The following SCN11A variants were observed in gnomAD, a reference collection of about 807,000 sequenced individuals.
SCN11A encodes sodium channel protein type 11 subunit alpha.
SCN11A carries 122 observed loss-of-function variants against 162.2 expected under a neutral mutation model. The ratio of observed to expected loss-of-function variants is 0.75; its 90% confidence interval spans 0.65 to 0.87. SCN11A has a LOEUF of 0.87. SCN11A is among the 40% of genes least tolerant of loss of function. The pLI, the probability that SCN11A is intolerant of heterozygous loss-of-function variation, is 0.00. For missense variants in SCN11A, 2,015 were observed against 2,181.6 expected (o/e 0.92, Z 1.52); for synonymous variants, 758 against 751.5 (o/e 1.01, Z -0.14).
intron 2 of SCN11A, among the ~76,000 whole-genome samples, chr3:39,019,997 T>C (rs72858039): frequency 0.082 from 12,560 of 152,272 alleles, 736 homozygotes; most frequent in African/African-American, 0.16. Context: ...GGTTAATAGT[T>C]TGAATGCTTG....
At chr3:38,852,093 G>T (rs2064791439) in intron 28 of SCN11A, among the ~76,000 whole-genome samples, 1 of 152,120 alleles carries the variant, frequency 6.6e-6, no homozygotes, top group South Asian at 2.1e-4. Flanking sequence ...AGGTACAGAA[G>T]CTAGAATACA....
At chr3:38,986,029 T>C (rs1408303993) in intron 2 of SCN11A, among the ~76,000 whole-genome samples, 1 of 151,096 alleles carries the variant, frequency 6.6e-6, no homozygotes, top group African/African-American at 2.5e-5. Flanking sequence ...CACAGTCTGT[T>C]TGAGTGTCCT....
chr3:38,953,423 A>G (rs918815037), intron 4 of SCN11A, among the ~76,000 whole-genome samples: 7 of 152,200 alleles, frequency 4.6e-5, no homozygotes, highest in African/African-American at 1.7e-4. Context: ...AAGTTAAAAA[A>G]AAAAAGTCCC....
At chr3:38,908,214 CT>C in intron 13 of SCN11A, 92 bp from the exon 14 acceptor site, 1 of 1,083,936 alleles carries the variant, frequency 9.2e-7, no homozygotes, top group Non-Finnish European at 1.4e-6. Context: ...GAAAATCTCT[CT>C]TCTGGTAGCT....
At chr3:39,011,456 T>C (rs2031132004) in intron 2 of SCN11A, among the ~76,000 whole-genome samples, 3 of 152,150 alleles carry the variant, frequency 2.0e-5, no homozygotes, top group Admixed American at 2.0e-4. Context: ...CAAAGAACAG[T>C]GGTCAGAGTT....
rs145592712 is a variant in SCN11A at position 38,965,368 on chromosome 3, G to A, written c.-279-4945C>T. On this transcript the variant is annotated intron_variant, in intron 2 of 29. Coordinates refer to ENST00000302328, the MANE Select transcript of SCN11A (RefSeq NM_001349253.2). ...GGTCCTGGGAAGGAGGCCCTGCCAG[G>A]CCCCTGTAAGACAACGTTTGTAAGG... 4.7e-3 allele frequency among the ~76,000 whole-genome samples: 717 copies of A among 152,258 alleles called. 2 individuals carry two copies. The highest frequency in any genetic ancestry group is 6.8e-3 in the Middle Eastern group (2 of 294).
intron 28 of SCN11A, among the ~76,000 whole-genome samples, chr3:38,852,919 T>C (rs899976786): frequency 2.6e-5 from 4 of 152,216 alleles, no homozygotes; most frequent in African/African-American, 9.6e-5. Context: ...GGTGGTGAGA[T>C]TGTATTTGAT....
chr3:38,905,408 G>T, intron 14 of SCN11A, 87 bp from the exon 15 acceptor site: 1 of 1,454,770 alleles, frequency 6.9e-7, no homozygotes, highest in East Asian at 2.3e-5. Context: ...AATGCTACAT[G>T]TAATGAAAGT....
At chr3:38,939,713 G>A (rs2066411209) in intron 7 of SCN11A, among the ~76,000 whole-genome samples, 1 of 152,056 alleles carries the variant, frequency 6.6e-6, no homozygotes, top group Non-Finnish European at 1.5e-5. Context: ...AGATCAGCCT[G>A]ACCAACATGG....
intron 2 of SCN11A, among the ~76,000 whole-genome samples, chr3:38,977,555 T>C (rs1330684989): frequency 6.6e-6 from 1 of 152,220 alleles, no homozygotes. Context: ...ATGCAAGCCA[T>C]TACCACTGTT....
At chr3:38,989,661 G>T (rs1409651029) in intron 2 of SCN11A, among the ~76,000 whole-genome samples, 2 of 152,134 alleles carry the variant, frequency 1.3e-5, no homozygotes, top group African/African-American at 4.8e-5. Flanking sequence ...GAGAGGCTAG[G>T]GTTCCAACTC....
At chr3:38,885,987 C>A in intron 20 of SCN11A, 138 bp downstream of exon 20, 1 of 568,088 alleles carries the variant, frequency 1.8e-6, no homozygotes, top group South Asian at 2.7e-5. Flanking sequence ...AGTTGAGAAA[C>A]CTGGCCTAGA....
intron 23 of SCN11A, 138 bp from the exon 24 acceptor site, chr3:38,872,432 T>C (rs2065145053): frequency 1.7e-6 from 1 of 584,674 alleles, no homozygotes; most frequent in South Asian, 2.0e-5. Context: ...GTGAAAGACA[T>C]AGAAAATCCG....
In SCN11A at chr3:38,846,677, G is replaced by A. The variant is rs748167076; in HGVS notation, c.*17C>T. ...GGCAAGGCTGTGAAGCTATGAGGTA[G>A]GCGTGGAGGTGAGGGCTCAGTCACA... is the stretch of plus-strand genomic sequence containing the variant. On this transcript the variant is annotated 3_prime_UTR_variant, in exon 30 of 30. Coordinates refer to ENST00000302328, the MANE Select transcript of SCN11A (RefSeq NM_001349253.2). The A allele has an allele frequency of 1.2e-5, 20 of 1,604,742 alleles. No individual in the cohort carries two copies. Among genetic ancestry groups the A allele is most frequent in the Non-Finnish European group, 1.6e-5 (19 of 1,172,088 alleles).
chr3:38,918,670 T>G (rs7426389), intron 11 of SCN11A, among the ~76,000 whole-genome samples: 135,679 of 152,244 alleles, frequency 0.89, 60,541 homozygotes, highest in South Asian at 0.92. Context: ...TCCTCAACAA[T>G]ATCAATGCAG....
chr3:38,888,590 T>C (rs1301179466), intron 19 of SCN11A, among the ~76,000 whole-genome samples: 1 of 152,264 alleles, frequency 6.6e-6, no homozygotes, highest in Non-Finnish European at 1.5e-5. Context: ...AGAAGTTACA[T>C]AGAGTTTCAC....
chr3:38,889,668 C>T (rs1260170809), intron 19 of SCN11A, among the ~76,000 whole-genome samples: 1 of 151,238 alleles, frequency 6.6e-6, no homozygotes, highest in African/African-American at 2.4e-5. Flanking sequence ...AGTGTGGTGG[C>T]CGGCGCCTGT....
intron 22 of SCN11A, among the ~76,000 whole-genome samples, chr3:38,881,831 A>T (rs1364812864): frequency 1.3e-5 from 2 of 152,158 alleles, no homozygotes; most frequent in Admixed American, 1.3e-4. Context: ...TGCCCAGCCT[A>T]CACCTGCCTT....
intron 5 of SCN11A, 72 bp downstream of exon 5, chr3:38,950,024 C>T: frequency 2.3e-6 from 2 of 885,728 alleles, no homozygotes; most frequent in Non-Finnish European, 3.4e-6. Context: ...TTTGGAGAAC[C>T]TGTAACACCA....
Sources: allele counts gnomAD v4.1 joint callset (sites outside exome capture counted in the v4.1 genomes callset), GRCh38; gene constraint gnomAD v4.1.1; transcripts MANE v1.5; gene names NCBI Gene and HGNC (gene_info 2026-07-23, HGNC 2026-07-21).